Variants in FHIT observed in about 807,000 individuals in gnomAD.
The protein encoded by FHIT is fragile histidine triad diadenosine triphosphatase, also known as bis(5'-adenosyl)-triphosphatase.
In FHIT, 19 loss-of-function variants were observed where a neutral mutation model predicts 17.9. The ratio of observed to expected loss-of-function variants is 1.06; its 90% confidence interval spans 0.74 to 1.56. FHIT has a LOEUF of 1.56. FHIT is among the 40% of genes most tolerant of loss of function. FHIT has a pLI of 0.00. For missense variants in FHIT, 248 were observed against 189.2 expected (o/e 1.31, Z -1.82); for synonymous variants, 81 against 69.7 (o/e 1.16, Z -0.81).
chr3:60,388,644 C>G (rs1701107651), intron 5 of FHIT, among the ~76,000 whole-genome samples: 2 of 152,128 alleles, frequency 1.3e-5, no homozygotes, highest in South Asian at 4.2e-4. Flanking sequence ...ATATCCAGAT[C>G]TGAGAAGACA....
At chr3:60,128,671 A>C (rs1042077316) in intron 5 of FHIT, among the ~76,000 whole-genome samples, 1 of 152,180 alleles carries the variant, frequency 6.6e-6, no homozygotes, top group Non-Finnish European at 1.5e-5. Flanking sequence ...TCTGCAACCA[A>C]CTGATCACCA....
chr3:60,028,733 G>T (rs1012403686), intron 5 of FHIT, among the ~76,000 whole-genome samples: 3 of 152,202 alleles, frequency 2.0e-5, no homozygotes, highest in Admixed American at 6.5e-5. Context: ...TTGCGCTGAT[G>T]TTCAGGAGAT....
intron 5 of FHIT, among the ~76,000 whole-genome samples, chr3:60,534,291 G>T (rs1228238385): frequency 6.7e-6 from 1 of 149,632 alleles, no homozygotes; most frequent in Non-Finnish European, 1.5e-5. Flanking sequence ...AAATTAGCCG[G>T]GCGCGGTGGC....
At chr3:59,997,571 T>C (rs763265898) in intron 7 of FHIT, among the ~76,000 whole-genome samples, 1 of 152,142 alleles carries the variant, frequency 6.6e-6, no homozygotes, top group Non-Finnish European at 1.5e-5. Flanking sequence ...TAGTACAAGA[T>C]GATTGTCCTA....
intron 5 of FHIT, among the ~76,000 whole-genome samples, chr3:60,313,946 C>A (rs975354886): frequency 3.3e-5 from 5 of 152,172 alleles, no homozygotes; most frequent in African/African-American, 1.2e-4. Flanking sequence ...ATTATCTCTG[C>A]TAGAGACTGT....
At chr3:60,359,484 T>A (rs1699813422) in intron 5 of FHIT, among the ~76,000 whole-genome samples, 1 of 152,062 alleles carries the variant, frequency 6.6e-6, no homozygotes, top group South Asian at 2.1e-4. Flanking sequence ...TTTCACCATG[T>A]TGGCCAGGAT....
intron 6 of FHIT, among the ~76,000 whole-genome samples, chr3:60,012,226 T>A (rs559949558): frequency 1.3e-5 from 2 of 151,140 alleles, no homozygotes; most frequent in Admixed American, 6.6e-5. Context: ...TGGGTTGCAA[T>A]CAGCATTACA....
chr3:61,086,862 T>C lies in FHIT; in HGVS notation c.-163-44763A>G, dbSNP rs112578451. Among the ~76,000 whole-genome samples the C allele has an allele frequency of 6.3e-3, 960 of 152,232 alleles. 10 individuals are homozygous for C. The highest frequency in any genetic ancestry group is 0.022 in the African/African-American group (922 of 41,534). On this transcript the variant is annotated intron_variant, in intron 2 of 9. Transcript: ENST00000492590. ...TGCTAATGTGCTGATAAAAACTCCA[T>C]ATTCTGTACTATGTCCTATAAGATT...
intron 5 of FHIT, among the ~76,000 whole-genome samples, chr3:60,509,596 T>A (rs1001195821): frequency 1.3e-5 from 2 of 151,360 alleles, no homozygotes; most frequent in Non-Finnish European, 3.0e-5. Context: ...GAAATTACAA[T>A]GAAATGTTAA....
intron 5 of FHIT, among the ~76,000 whole-genome samples, chr3:60,305,748 A>G (rs1708642402): frequency 6.6e-6 from 1 of 152,090 alleles, no homozygotes; most frequent in African/African-American, 2.4e-5. Flanking sequence ...AGTGCAATAG[A>G]CTGTCGATTT....
chr3:59,929,179 C>A (rs752841488), intron 7 of FHIT, among the ~76,000 whole-genome samples: 6 of 151,590 alleles, frequency 4.0e-5, no homozygotes, highest in Non-Finnish European at 7.4e-5. Context: ...CTGTTTCCAG[C>A]AATTTGTTAT....
chr3:60,469,860 C>G (rs1014723293), intron 5 of FHIT, among the ~76,000 whole-genome samples: 6 of 152,248 alleles, frequency 3.9e-5, no homozygotes, highest in African/African-American at 1.2e-4. Context: ...CCCGTTTCTA[C>G]TTTAGGGGTG....
At chr3:60,888,358 C>T (rs1705331497) in intron 3 of FHIT, among the ~76,000 whole-genome samples, 1 of 152,186 alleles carries the variant, frequency 6.6e-6, no homozygotes, top group Non-Finnish European at 1.5e-5. Context: ...AAAGCCGCTA[C>T]ACATTCAACA....
intron 3 of FHIT, among the ~76,000 whole-genome samples, chr3:60,966,264 T>C (rs1169727639): frequency 6.6e-6 from 1 of 152,222 alleles, no homozygotes; most frequent in Non-Finnish European, 1.5e-5. Flanking sequence ...TCTCCTGGTG[T>C]GCCCTTTGCT....
chr3:60,292,605 T>G (rs1387280449), intron 5 of FHIT, among the ~76,000 whole-genome samples: 2 of 152,172 alleles, frequency 1.3e-5, no homozygotes, highest in Non-Finnish European at 2.9e-5. Flanking sequence ...AGCCATATTA[T>G]TCTATCTGTG....
At chr3:60,789,815 C>T (rs797037007) in intron 4 of FHIT, among the ~76,000 whole-genome samples, 1 of 151,982 alleles carries the variant, frequency 6.6e-6, no homozygotes, top group South Asian at 2.1e-4. Flanking sequence ...GTAACTAAAA[C>T]AATTATACTG....
At chr3:61,218,761 T>C (rs2039755210) in intron 1 of FHIT, among the ~76,000 whole-genome samples, 1 of 152,210 alleles carries the variant, frequency 6.6e-6, no homozygotes, top group African/African-American at 2.4e-5. Context: ...ATTGTCTTAA[T>C]GCACTACTTT....
chr3:60,967,560 C>A (rs778733473), intron 3 of FHIT, among the ~76,000 whole-genome samples: 1 of 152,122 alleles, frequency 6.6e-6, no homozygotes, highest in Non-Finnish European at 1.5e-5. Context: ...ATGGTTACTG[C>A]TGAAATATGG....
In FHIT at chr3:60,400,035, C is replaced by T. The variant is rs150706159; in HGVS notation, c.103+136825G>A. Among the ~76,000 whole-genome samples, 757 of 152,230 alleles carry T rather than the reference C, an allele frequency of 5.0e-3. 4 individuals are homozygous for T. Among genetic ancestry groups the T allele is most frequent in the Middle Eastern group, 0.017 (5 of 294 alleles). On this transcript the variant is annotated intron_variant, in intron 5 of 9. Transcript: ENST00000492590. ...ACAAGAGGTGCATTATGTAAGTTAGCAATGACTAAGCCGGGTGCTCTATGG... is the reference window on the plus strand; with the variant it reads ...ACAAGAGGTGCATTATGTAAGTTAGTAATGACTAAGCCGGGTGCTCTATGG...
Sources: allele counts gnomAD v4.1 joint callset (sites outside exome capture counted in the v4.1 genomes callset), GRCh38; gene constraint gnomAD v4.1.1; transcripts MANE v1.5; gene names NCBI Gene and HGNC (gene_info 2026-07-23, HGNC 2026-07-21).